The following FBLN1 variants were observed in gnomAD, a reference collection of about 807,000 sequenced individuals.
The protein encoded by FBLN1 is fibulin-1.
Under a neutral mutation model 89.7 loss-of-function variants are expected in FBLN1, and 34 were observed. The observed-to-expected ratio is 0.38, with a 90% CI of 0.29 to 0.50. The LOEUF is 0.50. Among genes scored for constraint, FBLN1 ranks in the 20% least tolerant of loss-of-function variants. The probability of loss-of-function intolerance (pLI) is 0.92; values close to 1 mark genes in which losing one functional copy is unlikely to be tolerated. For synonymous variants in FBLN1, 393 were observed against 391.3 expected (o/e 1.00, Z -0.05); for missense variants, 777 against 988.1 (o/e 0.79, Z 2.86).
At chr22:45,539,957 C>T (rs2088533701) in intron 8 of FBLN1, among the ~76,000 whole-genome samples, 1 of 152,204 alleles carries the variant, frequency 6.6e-6, no homozygotes, top group Non-Finnish European at 1.5e-5. Context: ...CCAGCTGTTT[C>T]TCTAAAGGGC....
Position 45,563,030 on chromosome 22 carries a change from A to G in FBLN1, c.1698-11481A>G, listed in dbSNP as rs752070504. On this transcript the variant is annotated intron_variant, in intron 14 of 16. Transcript: ENST00000327858. This position sits in a 1 kb window ranked among gnomAD's most constrained non-coding sequence, Gnocchi z 5.7. ...CCAAGCGCCCGCGGTGGTTTTCCGC[A>G]TGGGCCCCTCCAGTGCTGTCCCCGG... The G allele has an allele frequency of 5.0e-6, 8 of 1,613,264 alleles. No individual in the cohort carries two copies. Among genetic ancestry groups the G allele is most frequent in the Admixed American group, 1.7e-5 (1 of 59,986 alleles).
rs202222692 is a variant in FBLN1, at chr22:45,574,481, G to C, written c.1698-30G>C. 6.2e-7 allele frequency: 1 copy of C among 1,613,746 alleles called. No homozygotes were observed. Among genetic ancestry groups the C allele is most frequent in the East Asian group, 2.2e-5 (1 of 44,868 alleles). ...TGGGAGCTGCTGTCCCAGCTTCCCC[G>C]TCAGCCTCGTGTGCTGTGGTTCCCC... is the stretch of plus-strand genomic sequence containing the variant. On this transcript the variant is annotated intron_variant, in intron 14 of 16. Transcript: ENST00000327858. The surrounding 1 kb of genome is among the most constrained non-coding windows in gnomAD (Gnocchi z 4.1).
At chr22:45,544,636 T>C (rs1035828164) in intron 11 of FBLN1, among the ~76,000 whole-genome samples, 2 of 152,210 alleles carry the variant, frequency 1.3e-5, no homozygotes. Flanking sequence ...GAAAATTCTT[T>C]TGGCAGCATT....
At chr22:45,584,164 A>G (rs180908635) in intron 16 of FBLN1, among the ~76,000 whole-genome samples, 87 of 152,288 alleles carry the variant, frequency 5.7e-4, no homozygotes, top group Non-Finnish European at 1.1e-3. Flanking sequence ...CACATTCAGA[A>G]TGCGTGCCGA....
At chr22:45,518,157 AT>A (rs938848511) in intron 1 of FBLN1, among the ~76,000 whole-genome samples, 25 of 150,732 alleles carry the variant, frequency 1.7e-4, no homozygotes, top group Admixed American at 1.3e-4. Context: ...AAAAAAGAAA[AT>A]TTTTTTTTCC....
rs1458097153 is a variant in FBLN1, at chr22:45,583,616, T to C, written c.1972+6508T>C. 6.6e-6 allele frequency among the ~76,000 whole-genome samples: 1 copy of C among 152,186 alleles called. No individual in the cohort carries two copies. The highest frequency in any genetic ancestry group is 1.5e-5 in the Non-Finnish European group (1 of 68,026). On this transcript the variant is annotated intron_variant, in intron 16 of 16. Transcript: ENST00000327858. This position sits in a 1 kb window ranked among gnomAD's most constrained non-coding sequence, Gnocchi z 4.5. ...GTCTCTCTTGAGAGTGGCTATACCTTCTAGGCCTGATCAGGAAGGAAGCTG... is the reference window on the plus strand; with the variant it reads ...GTCTCTCTTGAGAGTGGCTATACCTCCTAGGCCTGATCAGGAAGGAAGCTG...
intron 16 of FBLN1, among the ~76,000 whole-genome samples, chr22:45,599,596 G>A (rs2089214101): frequency 1.3e-5 from 2 of 152,140 alleles, no homozygotes; most frequent in African/African-American, 2.4e-5. Flanking sequence ...CCCACTGCAT[G>A]CCAGGCCCTC....
rs562547476 is a variant in FBLN1, at chr22:45,570,850, C to T, written c.1698-3661C>T. Among the ~76,000 whole-genome samples the T allele has an allele frequency of 3.9e-5, 6 of 151,910 alleles. No homozygotes were observed. In the South Asian group the frequency reaches 6.2e-4, roughly 16 times the overall value. On this transcript the variant is annotated intron_variant, in intron 14 of 16. Coordinates refer to ENST00000327858, the MANE Select transcript of FBLN1 (RefSeq NM_006486.3). ...GTACTTTAAAGAAAAGGAGGAAGGC[C>T]GGGTGTGGTGGCTCATACCTGTAAT...
chr22:45,591,749 G>T (rs976564526), intron 16 of FBLN1, among the ~76,000 whole-genome samples: 3 of 152,040 alleles, frequency 2.0e-5, no homozygotes, highest in Non-Finnish European at 2.9e-5. Flanking sequence ...GTGTGTTTAT[G>T]ACTCAGCTAA....
intron 1 of FBLN1, among the ~76,000 whole-genome samples, chr22:45,513,754 T>C (rs2088132942): frequency 6.6e-6 from 1 of 152,204 alleles, no homozygotes; most frequent in Admixed American, 6.5e-5. Flanking sequence ...TGGGTCACCA[T>C]ACGTGCCTTA....
At position 45,549,078 on chromosome 22, in the gene FBLN1, G is replaced by A. The variant is rs1248344997; in HGVS notation, c.1573+334G>A. Among the ~76,000 whole-genome samples, 3 of 152,210 alleles carry A rather than the reference G, an allele frequency of 2.0e-5. No homozygotes were observed. Among genetic ancestry groups the A allele is most frequent in the Non-Finnish European group, 2.9e-5 (2 of 68,028 alleles). The stretch of plus-strand genomic sequence containing the variant: ...GGCCTTTAGGAAGATGCCCGCCAGG[G>A]AGGAAGCAGTCCAGGCCAGGGGATG... On this transcript the variant is annotated intron_variant, in intron 13 of 16. Coordinates refer to ENST00000327858, the MANE Select transcript of FBLN1 (RefSeq NM_006486.3). The surrounding 1 kb of genome is among the most constrained non-coding windows in gnomAD (Gnocchi z 5.7).
Position 45,557,407 on chromosome 22 carries a change from G to A in FBLN1, c.1697+6792G>A, listed in dbSNP as rs530500776. On this transcript the variant is annotated intron_variant, in intron 14 of 16. Transcript: ENST00000327858. The surrounding 1 kb of genome is among the most constrained non-coding windows in gnomAD (Gnocchi z 4.9). ...CACCAGGTAGCTGGCTGATCACCCCGAGGCATGGTGCCACATCGAGGGCTC... is the reference window on the plus strand; with the variant it reads ...CACCAGGTAGCTGGCTGATCACCCCAAGGCATGGTGCCACATCGAGGGCTC... 3.3e-5 allele frequency among the ~76,000 whole-genome samples: 5 copies of A among 152,238 alleles called. No individual in the cohort carries two copies. The highest frequency in any genetic ancestry group is 2.1e-4 in the South Asian group (1 of 4,814).
At position 45,574,754 on chromosome 22, in the gene FBLN1, CA is replaced by C. The variant is rs1288965227; in HGVS notation, c.1840+102del. On this transcript the variant is annotated intron_variant, in intron 15 of 16. Coordinates refer to ENST00000327858, the MANE Select transcript of FBLN1 (RefSeq NM_006486.3). The surrounding 1 kb of genome is among the most constrained non-coding windows in gnomAD (Gnocchi z 4.1). ...GAGTTGTTCCTTGTAAGATGTGGCC[CA>C]GGCTTTGAAATGCAGAACTTTCTTT... The C allele has an allele frequency of 1.3e-5, 12 of 930,840 alleles. No homozygotes were observed. Among genetic ancestry groups the C allele is most frequent in the African/African-American group, 3.4e-5 (2 of 59,066 alleles). 57.7% of individuals were successfully genotyped at this position (930,840 alleles called of 1,614,324 possible).
intron 1 of FBLN1, among the ~76,000 whole-genome samples, chr22:45,507,584 G>A (rs909109951): frequency 2.0e-5 from 3 of 152,200 alleles, no homozygotes; most frequent in African/African-American, 7.2e-5. Context: ...CTGGAGGGCA[G>A]TAGTGTGATC....
In FBLN1 at chr22:45,574,611, G is replaced by A. The variant is rs149912059; in HGVS notation, c.1798G>A (p.Val600Ile). The A allele has an allele frequency of 3.9e-5, 63 of 1,614,040 alleles. No homozygotes were observed. The African/African-American group carries it at 6.7e-4, about 17-fold the overall frequency. The change falls in exon 15 of 17, where the codon GTC becomes ATC. Residue 600 changes from valine to isoleucine, a missense_variant. Val to Ile is a conservative substitution (Grantham distance 29). Transcript: ENST00000327858. The surrounding 1 kb of genome is among the most constrained non-coding windows in gnomAD (Gnocchi z 4.1). ...CCCCGTGCACACCATCTCCCACACC[G>A]TCATCTCGCTGCCTACCTTCCGCGA... ...FDPVHTISHTVISLPTFREFT... is the reference protein window; with the variant it reads ...FDPVHTISHTIISLPTFREFT...
At chr22:45,538,326 G>C (rs959755966) in intron 8 of FBLN1, among the ~76,000 whole-genome samples, 1 of 152,230 alleles carries the variant, frequency 6.6e-6, no homozygotes, top group Non-Finnish European at 1.5e-5. Flanking sequence ...CAAAAATTAT[G>C]TATGTCTTGA....
intron 2 of FBLN1, among the ~76,000 whole-genome samples, chr22:45,522,933 T>C (rs577683842): frequency 6.6e-6 from 1 of 152,274 alleles, no homozygotes; most frequent in East Asian, 1.9e-4. Context: ...GAACGAAATA[T>C]GCAAGTCCCC....
chr22:45,528,018 C>T lies in FBLN1; in HGVS notation c.484+9C>T, dbSNP rs775194468. Reference sequence around the variant, plus strand: ...GGGCCTCCAAGAAACGGGTAACTTTCCCCCTTCCTTCCCTAATGAGCAGTG... The same window carrying T: ...GGGCCTCCAAGAAACGGGTAACTTTTCCCCTTCCTTCCCTAATGAGCAGTG... On this transcript the variant is annotated intron_variant, in intron 4 of 16. Transcript: ENST00000327858. The T allele has an allele frequency of 3.1e-6, 5 of 1,614,042 alleles. No individual in the cohort carries two copies. Among genetic ancestry groups the T allele is most frequent in the Middle Eastern group, 1.7e-4 (1 of 6,054 alleles).
chr22:45,532,966 C>T lies in FBLN1; in HGVS notation c.545-97C>T, dbSNP rs1429202898. 6 of 1,143,554 alleles carry T rather than the reference C, an allele frequency of 5.2e-6. No homozygotes were observed. Among genetic ancestry groups the T allele is most frequent in the Admixed American group, 1.8e-5 (1 of 54,758 alleles). The allele number at this position is 1,143,554 out of a possible 1,614,324, so 70.8% of individuals were successfully genotyped here. A position where few individuals can be genotyped will look rare whatever the true frequency, so the allele number is the denominator to read the frequency against. On this transcript the variant is annotated intron_variant, in intron 5 of 16. Coordinates refer to ENST00000327858, the MANE Select transcript of FBLN1 (RefSeq NM_006486.3). The surrounding 1 kb of genome is among the most constrained non-coding windows in gnomAD (Gnocchi z 4.2). ...CAGCCTGCCTTCCTGGGTTCGTCTGCCCAGAGGGCGTTTTCTATGACCCAG... is the reference window on the plus strand; with the variant it reads ...CAGCCTGCCTTCCTGGGTTCGTCTGTCCAGAGGGCGTTTTCTATGACCCAG...
Sources: gnomAD v4.1 joint callset for allele counts (sites outside exome capture counted in the v4.1 genomes callset) on GRCh38, gnomAD v4.1.1 for gene constraint, Gnocchi (gnomAD v3.1) non-coding constraint, MANE v1.5 for transcripts, NCBI Gene and HGNC (gene_info 2026-07-23, HGNC 2026-07-21) for gene names.